The following SAMD4A variants were observed in gnomAD, a reference collection of about 807,000 sequenced individuals.
SAMD4A encodes the protein sterile alpha motif domain containing 4A, also known as protein Smaug homolog 1.
Under a neutral mutation model 81.3 loss-of-function variants are expected in SAMD4A, and 33 were observed. The ratio of observed to expected loss-of-function variants is 0.41; its 90% CI spans 0.31 to 0.54. The LOEUF (loss-of-function observed/expected upper bound fraction) is 0.54, where lower values mean the gene tolerates loss of function less well. Ranked by LOEUF, SAMD4A falls within the 20% of genes least tolerant of loss-of-function variation. SAMD4A has a pLI of 0.37. For synonymous variants in SAMD4A, 389 were observed against 382.1 expected (o/e 1.02, Z -0.21); for missense variants, 854 against 951.1 (o/e 0.90, Z 1.34).
intron 11 of SAMD4A, among the ~76,000 whole-genome samples, chr14:54,780,692 G>A (rs2139966478): frequency 6.6e-6 from 1 of 152,318 alleles, no homozygotes. Context: ...TCAACTTGGG[G>A]CAAGATGGTA....
intron 2 of SAMD4A, among the ~76,000 whole-genome samples, chr14:54,664,901 T>A (rs1344040741): frequency 6.6e-6 from 1 of 151,934 alleles, no homozygotes; most frequent in Non-Finnish European, 1.5e-5. Flanking sequence ...TAACATTAGA[T>A]AGTTCAGGAA....
chr14:54,650,432 G>A (rs1267582076), intron 2 of SAMD4A, among the ~76,000 whole-genome samples: 2 of 152,184 alleles, frequency 1.3e-5, no homozygotes, highest in Non-Finnish European at 2.9e-5. Flanking sequence ...AGATCAACAG[G>A]CATTAATCAG....
intron 2 of SAMD4A, among the ~76,000 whole-genome samples, chr14:54,616,251 A>G (rs1175532420): frequency 2.0e-5 from 3 of 152,112 alleles, no homozygotes; most frequent in Non-Finnish European, 4.4e-5. Flanking sequence ...TTAACCCCAC[A>G]CTTTCTTATA....
At chr14:54,737,977 A>T (rs1487585123) in intron 4 of SAMD4A, among the ~76,000 whole-genome samples, 3 of 152,122 alleles carry the variant, frequency 2.0e-5, no homozygotes, top group Non-Finnish European at 4.4e-5. Context: ...ATTCATCAGG[A>T]GATAGATTTC....
At chr14:54,662,946 A>C (rs1452254140) in intron 2 of SAMD4A, among the ~76,000 whole-genome samples, 1 of 152,172 alleles carries the variant, frequency 6.6e-6, no homozygotes, top group African/African-American at 2.4e-5. Flanking sequence ...CAGTAAACCA[A>C]AGGTCACAGA....
At chr14:54,597,870 G>A (rs1405194627) in intron 2 of SAMD4A, among the ~76,000 whole-genome samples, 2 of 152,108 alleles carry the variant, frequency 1.3e-5, no homozygotes, top group African/African-American at 4.8e-5. Flanking sequence ...TTACAGGCAT[G>A]AGCCATCACA....
chr14:54,620,991 C>T (rs1197658484), intron 2 of SAMD4A, among the ~76,000 whole-genome samples: 2 of 152,148 alleles, frequency 1.3e-5, no homozygotes, highest in Admixed American at 1.3e-4. Flanking sequence ...GCTGGTCTCT[C>T]AAACTCCTGG....
chr14:54,777,000 T>C (rs967862942), intron 11 of SAMD4A, among the ~76,000 whole-genome samples: 4 of 152,220 alleles, frequency 2.6e-5, no homozygotes, highest in Admixed American at 2.0e-4. Flanking sequence ...TTTCCTTTAC[T>C]TGGTTAAAGA....
At chr14:54,588,421 G>T (rs949540507) in intron 2 of SAMD4A, among the ~76,000 whole-genome samples, 1 of 150,964 alleles carries the variant, frequency 6.6e-6, no homozygotes, top group Non-Finnish European at 1.5e-5. Flanking sequence ...CTTTTTTTCT[G>T]CTGGGTTTGG....
Position 54,568,690 on chromosome 14 carries a change from C to CATAT in SAMD4A, c.196+626_196+629dup, listed in dbSNP as rs59190435. Among the ~76,000 whole-genome samples, 43 of 31,880 alleles carry CATAT rather than the reference C, an allele frequency of 1.3e-3. 1 individual carries two copies. Among genetic ancestry groups the CATAT allele is most frequent in the Non-Finnish European group, 1.7e-3 (30 of 17,748 alleles). 20.9% of individuals were successfully genotyped at this position (31,880 alleles called of 152,430 possible). On this transcript the variant is annotated intron_variant, in intron 2 of 12. Transcript: ENST00000554335. Reference sequence around the variant, plus strand: ...GAGACTAGTAAAATGACATTTGCAGCATATATATATATATATATATATATA... The same window carrying CATAT: ...GAGACTAGTAAAATGACATTTGCAGCATATATATATATATATATATATATATATA...
chr14:54,725,847 T>C (rs1390511992), intron 3 of SAMD4A, among the ~76,000 whole-genome samples: 11 of 152,190 alleles, frequency 7.2e-5, no homozygotes, highest in African/African-American at 2.7e-4. Context: ...CCCAAATTCT[T>C]CTCCCTTCAG....
At chr14:54,632,060 G>A (rs947390070) in intron 2 of SAMD4A, among the ~76,000 whole-genome samples, 1 of 152,072 alleles carries the variant, frequency 6.6e-6, no homozygotes, top group Non-Finnish European at 1.5e-5. Context: ...CATTCTAGTG[G>A]GGTCTAGTGA....
intron 2 of SAMD4A, among the ~76,000 whole-genome samples, chr14:54,697,514 G>A (rs2036606152): frequency 6.6e-6 from 1 of 152,170 alleles, no homozygotes; most frequent in South Asian, 2.1e-4. Flanking sequence ...ATGGTCCAAA[G>A]GTTGTTTTGT....
intron 6 of SAMD4A, chr14:54,754,757 T>C (rs2038195235): frequency 5.7e-6 from 5 of 874,614 alleles, no homozygotes; most frequent in Non-Finnish European, 6.9e-6. Flanking sequence ...TCTAAGGAGA[T>C]AGCTGGGGCC....
chr14:54,779,678 C>CTTTTT (rs11306028), intron 11 of SAMD4A, among the ~76,000 whole-genome samples: 1 of 139,336 alleles, frequency 7.2e-6, no homozygotes, highest in African/African-American at 2.7e-5. Flanking sequence ...CATGGACAAG[C>CTTTTT]TTTTTTTTTT....
chr14:54,642,818 C>G (rs576182688), intron 2 of SAMD4A, among the ~76,000 whole-genome samples: 1 of 152,178 alleles, frequency 6.6e-6, no homozygotes, highest in African/African-American at 2.4e-5. Context: ...ACCCTGCATG[C>G]GTGAACATGG....
chr14:54,630,452 C>A (rs1223440161), intron 2 of SAMD4A, among the ~76,000 whole-genome samples: 1 of 152,168 alleles, frequency 6.6e-6, no homozygotes, highest in Non-Finnish European at 1.5e-5. Flanking sequence ...GCCATCGTCC[C>A]ATGTGCTTAT....
At chr14:54,659,287 G>C (rs1280061470) in intron 2 of SAMD4A, among the ~76,000 whole-genome samples, 1 of 152,140 alleles carries the variant, frequency 6.6e-6, no homozygotes, top group Non-Finnish European at 1.5e-5. Flanking sequence ...CTATGGGTGT[G>C]GAATGCATTT....
At chr14:54,685,498 C>T (rs750360358) in intron 2 of SAMD4A, among the ~76,000 whole-genome samples, 22 of 152,316 alleles carry the variant, frequency 1.4e-4, no homozygotes, top group Non-Finnish European at 2.6e-4. Flanking sequence ...TTTACCTATT[C>T]ATCTGTTGAT....
Sources: allele counts gnomAD v4.1 joint callset (sites outside exome capture counted in the v4.1 genomes callset), GRCh38; gene constraint gnomAD v4.1.1; transcripts MANE v1.5; gene names NCBI Gene and HGNC (gene_info 2026-07-23, HGNC 2026-07-21).